Variants in NRXN1 observed in about 807,000 individuals in gnomAD.
The protein encoded by NRXN1 is neurexin-1.
A neutral mutation model predicts 150.9 loss-of-function variants in NRXN1; 39 were observed. The ratio of observed to expected loss-of-function variants is 0.26; its 90% confidence interval spans 0.20 to 0.34. The LOEUF (loss-of-function observed/expected upper bound fraction) is 0.34. Among genes scored for constraint, NRXN1 ranks in the 10% least tolerant of loss-of-function variants. The pLI is 1.00. For missense variants in NRXN1, 1,815 were observed against 1,949.9 expected (o/e 0.93, Z 1.30); for synonymous variants, 924 against 757.0 (o/e 1.22, Z -3.62).
At chr2:50,472,558 T>A in intron 15 of NRXN1, 87 bp from the exon 16 acceptor site, 2 of 989,668 alleles carry the variant, frequency 2.0e-6, no homozygotes, top group South Asian at 3.7e-5. Flanking sequence ...CAGGGAGGTT[T>A]ATTTTTCATT....
chr2:50,691,945 C>A (rs1385908198), intron 5 of NRXN1, among the ~76,000 whole-genome samples: 1 of 152,140 alleles, frequency 6.6e-6, no homozygotes, highest in East Asian at 1.9e-4. Flanking sequence ...TACATTAAAG[C>A]CAACTCCATG....
At chr2:49,994,582 A>C (rs1682597678) in intron 21 of NRXN1, among the ~76,000 whole-genome samples, 1 of 152,158 alleles carries the variant, frequency 6.6e-6, no homozygotes. Context: ...CTCAGAGATC[A>C]CATGGTCACA....
chr2:50,958,792 T>A (rs898269002), intron 2 of NRXN1, among the ~76,000 whole-genome samples: 3 of 152,148 alleles, frequency 2.0e-5, no homozygotes, highest in African/African-American at 7.2e-5. Context: ...GGGAATGCAG[T>A]CAGCAATCAT....
At chr2:50,960,675 A>G (rs911714587) in intron 2 of NRXN1, among the ~76,000 whole-genome samples, 3 of 151,900 alleles carry the variant, frequency 2.0e-5, no homozygotes, top group Admixed American at 1.3e-4. Flanking sequence ...AACTTGCAGA[A>G]GCTCTCTGCC....
At chr2:50,660,090 T>C (rs1198237640) in intron 5 of NRXN1, among the ~76,000 whole-genome samples, 2 of 152,038 alleles carry the variant, frequency 1.3e-5, no homozygotes, top group African/African-American at 2.4e-5. Context: ...TCCACTGCAC[T>C]TTACCCACTG....
intron 5 of NRXN1, among the ~76,000 whole-genome samples, chr2:50,709,811 C>A (rs1694917097): frequency 6.6e-6 from 1 of 152,144 alleles, no homozygotes; most frequent in Admixed American, 6.5e-5. Context: ...TATTAAATTA[C>A]TTGACCATTC....
intron 8 of NRXN1, among the ~76,000 whole-genome samples, chr2:50,617,127 T>C (rs1239360950): frequency 6.6e-6 from 1 of 152,054 alleles, no homozygotes; most frequent in African/African-American, 2.4e-5. Context: ...ATGGAAACTA[T>C]CAACAACTAA....
At chr2:50,616,294 T>C (rs553005140) in intron 8 of NRXN1, 1 of 152,320 alleles carries the variant, frequency 6.6e-6, no homozygotes, top group Admixed American at 6.5e-5. Context: ...TATTTTGAGC[T>C]AATCTTATTT....
At chr2:50,570,720 T>A (rs999487471) in intron 8 of NRXN1, among the ~76,000 whole-genome samples, 1 of 150,342 alleles carries the variant, frequency 6.7e-6, no homozygotes, top group African/African-American at 2.5e-5. Flanking sequence ...TGATAACAAA[T>A]TTATAACATG....
At chr2:50,122,269 GGAGAAACT>G (rs1703965452) in intron 18 of NRXN1, among the ~76,000 whole-genome samples, 1 of 152,176 alleles carries the variant, frequency 6.6e-6, no homozygotes, top group African/African-American at 2.4e-5. Flanking sequence ...AGGTGATAAG[GGAGAAACT>G]GAGATCCTCA....
intron 5 of NRXN1, chr2:50,917,436 T>C (rs983649965): frequency 6.6e-6 from 1 of 151,738 alleles, no homozygotes; most frequent in Non-Finnish European, 1.5e-5. Context: ...AAATTCGCTA[T>C]ATAGCAACAC....
chr2:50,781,426 T>C (rs937599143), intron 5 of NRXN1, among the ~76,000 whole-genome samples: 9 of 149,370 alleles, frequency 6.0e-5, no homozygotes, highest in Admixed American at 4.0e-4. Context: ...GAAATGCAAA[T>C]GACACATAGG....
intron 21 of NRXN1, among the ~76,000 whole-genome samples, chr2:49,965,072 G>T (rs1573094025): frequency 6.6e-6 from 1 of 151,886 alleles, no homozygotes; most frequent in South Asian, 2.1e-4. Context: ...TAGAGACAGG[G>T]TTTCACCACG....
chr2:50,464,788 A>T (rs1055130615), intron 17 of NRXN1, among the ~76,000 whole-genome samples: 6 of 151,948 alleles, frequency 3.9e-5, no homozygotes, highest in Non-Finnish European at 8.8e-5. Context: ...ACTTCATCTT[A>T]TAGATCAGTT....
intron 5 of NRXN1, among the ~76,000 whole-genome samples, chr2:50,746,880 C>A (rs528612618): frequency 6.6e-6 from 1 of 152,066 alleles, no homozygotes; most frequent in Non-Finnish European, 1.5e-5. Context: ...TTGTGGAAGA[C>A]AGATGAATGC....
At chr2:50,549,254 C>T (rs1173064282) in intron 9 of NRXN1, among the ~76,000 whole-genome samples, 1 of 152,042 alleles carries the variant, frequency 6.6e-6, no homozygotes, top group South Asian at 2.1e-4. Flanking sequence ...TACTCCATAC[C>T]AAACCAATGC....
chr2:50,154,596 C>T (rs1176134584), intron 18 of NRXN1, among the ~76,000 whole-genome samples: 1 of 151,498 alleles, frequency 6.6e-6, no homozygotes, highest in African/African-American at 2.4e-5. Flanking sequence ...TAATTAGCCA[C>T]AGAATATTAT....
chr2:50,007,017 T>C (rs932956582), intron 21 of NRXN1, among the ~76,000 whole-genome samples: 5 of 152,016 alleles, frequency 3.3e-5, no homozygotes, highest in African/African-American at 1.2e-4. Context: ...GCATGACCTT[T>C]TAAGTCCCTT....
chr2:50,922,829 T>C (rs944245730), intron 3 of NRXN1, 142 bp from the exon 4 acceptor site: 2 of 887,964 alleles, frequency 2.3e-6, no homozygotes, highest in Admixed American at 4.0e-5. Flanking sequence ...TCAAAAAGCA[T>C]TCTTTCAACC....
Sources: gnomAD v4.1 joint callset for allele counts (sites outside exome capture counted in the v4.1 genomes callset) on GRCh38, gnomAD v4.1.1 for gene constraint, MANE v1.5 for transcripts, NCBI Gene and HGNC (gene_info 2026-07-23, HGNC 2026-07-21) for gene names.